IL1RAPL1: variants seen among roughly 807,000 people sequenced by gnomAD.
IL1RAPL1 encodes interleukin-1 receptor accessory protein-like 1.
A neutral mutation model predicts 48.4 loss-of-function variants in IL1RAPL1; 3 were observed. The observed-to-expected ratio is 0.06, with a 90% CI of 0.03 to 0.16. The LOEUF is 0.16. Among genes scored for constraint, IL1RAPL1 ranks in the 10% least tolerant of loss-of-function variants. The pLI is 1.00. For synonymous variants in IL1RAPL1, 185 were observed against 187.7 expected (o/e 0.99, Z 0.12); for missense variants, 349 against 530.6 (o/e 0.66, Z 3.36).
intron 2 of IL1RAPL1, among the ~76,000 whole-genome samples, chrX:29,006,515 G>GAA (rs749949798): frequency 2.1e-4 from 19 of 91,124 alleles, no homozygotes; most frequent in Non-Finnish European, 3.5e-4. Context: ...ACGCCGTCTG[G>GAA]AAAAAAAAAA....
chrX:28,908,260 G>GT (rs1923270637), intron 2 of IL1RAPL1, among the ~76,000 whole-genome samples: 2 of 110,842 alleles, frequency 1.8e-5, no homozygotes, highest in Non-Finnish European at 3.8e-5. Flanking sequence ...ATAAAGTGTT[G>GT]TTTTTTCTCT....
chrX:29,347,619 G>A (rs1933168817), intron 3 of IL1RAPL1, among the ~76,000 whole-genome samples: 1 of 109,690 alleles, frequency 9.1e-6, no homozygotes, highest in Non-Finnish European at 1.9e-5. Context: ...CAAACTCCTG[G>A]GCTCAACCAG....
chrX:29,788,044 C>G (rs770535356), intron 6 of IL1RAPL1, among the ~76,000 whole-genome samples: 1 of 111,889 alleles, frequency 8.9e-6, no homozygotes, highest in Non-Finnish European at 1.9e-5. Flanking sequence ...TTGTCTGTTG[C>G]TATGCACTGA....
chrX:28,802,754 A>G (rs1378119540), intron 2 of IL1RAPL1, among the ~76,000 whole-genome samples: 1 of 111,967 alleles, frequency 8.9e-6, no homozygotes, highest in African/African-American at 3.2e-5. Context: ...ACTATCTGAA[A>G]AGAGGATTCT....
At chrX:29,152,175 A>G (rs1012104275) in intron 2 of IL1RAPL1, among the ~76,000 whole-genome samples, 1 of 110,539 alleles carries the variant, frequency 9.0e-6, no homozygotes, top group African/African-American at 3.3e-5. Flanking sequence ...ACCAGATCTC[A>G]TGAGACTTAT....
chrX:29,955,341 A>C lies in IL1RAPL1; in HGVS notation c.1612A>C (p.Lys538Gln). The C allele has an allele frequency of 8.3e-7, 1 of 1,211,622 alleles. No homozygotes were observed. The highest frequency in any genetic ancestry group is 1.1e-6 in the Non-Finnish European group (1 of 895,340). ...CACCATCAAGCTCCTGACGGTCATT[A>C]AATGGCATGGACCAAAATGCAACAA... ...KHTIKLLTVI[K>Q]WHGPKCNKLN... Residue 538 changes from lysine (K) to glutamine (Q), a missense_variant, in exon 11 of 11, where the codon AAA (lysine) becomes CAA (glutamine). By Grantham distance (53) the Lys-to-Gln change is moderately conservative (BLOSUM62 1). Coordinates refer to ENST00000378993, the MANE Select transcript of IL1RAPL1 (RefSeq NM_014271.4).
chrX:29,151,135 AAAAC>A (rs1188103691), intron 2 of IL1RAPL1, among the ~76,000 whole-genome samples: 4 of 110,445 alleles, frequency 3.6e-5, no homozygotes, highest in African/African-American at 9.9e-5. Flanking sequence ...TTCAGTGCTA[AAAAC>A]AAACAAACAA....
rs888644943 is a variant in IL1RAPL1 at position 29,208,708 on chromosome X, A to T, written c.83-74230A>T. Among the ~76,000 whole-genome samples the T allele has an allele frequency of 2.0e-4, 20 of 100,878 alleles. No individual in the cohort carries two copies. The South Asian group carries it at 4.8e-3, about 24-fold the overall frequency. 87.6% of individuals were successfully genotyped at this position (100,878 alleles called of 115,157 possible). Reference sequence around the variant, plus strand: ...CCTGGGTGACAGAGCAAGATTCCAAAAATAATAATAATAATAATAATAATA... The same window carrying T: ...CCTGGGTGACAGAGCAAGATTCCAATAATAATAATAATAATAATAATAATA... On this transcript the variant is annotated intron_variant, in intron 2 of 10. Coordinates refer to ENST00000378993, the MANE Select transcript of IL1RAPL1 (RefSeq NM_014271.4).
chrX:29,331,402 C>G (rs772480327), intron 3 of IL1RAPL1, among the ~76,000 whole-genome samples: 15 of 110,762 alleles, frequency 1.4e-4, no homozygotes, highest in African/African-American at 4.6e-4. Context: ...CAGTAGATTT[C>G]AAAGGAATCT....
intron 2 of IL1RAPL1, among the ~76,000 whole-genome samples, chrX:29,192,389 CAA>C (rs1930368770): frequency 8.9e-6 from 1 of 111,904 alleles, no homozygotes; most frequent in Non-Finnish European, 1.9e-5. Flanking sequence ...TTGGTGGCCC[CAA>C]AATTTCTTTG....
intron 5 of IL1RAPL1, among the ~76,000 whole-genome samples, chrX:29,431,773 A>C (rs1272204130): frequency 9.0e-6 from 1 of 111,501 alleles, no homozygotes; most frequent in African/African-American, 3.2e-5. Flanking sequence ...AGAAGAAAAA[A>C]GAAAAGGAAA....
chrX:29,679,479 A>G (rs1194959331), intron 6 of IL1RAPL1, among the ~76,000 whole-genome samples: 2 of 111,781 alleles, frequency 1.8e-5, no homozygotes, highest in African/African-American at 3.2e-5. Context: ...TGCTTATTGT[A>G]TAGCCTATTT....
chrX:29,110,456 G>A (rs1022740769), intron 2 of IL1RAPL1, among the ~76,000 whole-genome samples: 2 of 111,485 alleles, frequency 1.8e-5, no homozygotes, highest in Non-Finnish European at 3.8e-5. Context: ...TTGATAAGCC[G>A]GTTTTTATGC....
chrX:29,932,138 G>A (rs758282557), intron 8 of IL1RAPL1, among the ~76,000 whole-genome samples: 29 of 111,958 alleles, frequency 2.6e-4, no homozygotes, highest in Admixed American at 6.6e-4. Flanking sequence ...CTGAGATAAA[G>A]GAAGCCCCAT....
intron 3 of IL1RAPL1, among the ~76,000 whole-genome samples, chrX:29,370,947 C>T (rs909536710): frequency 6.4e-5 from 7 of 109,146 alleles, no homozygotes; most frequent in African/African-American, 2.0e-4. Flanking sequence ...ATATAATGTG[C>T]AATGATCAAA....
intron 1 of IL1RAPL1, among the ~76,000 whole-genome samples, chrX:28,780,025 T>C (rs1936404176): frequency 9.1e-6 from 1 of 110,232 alleles, no homozygotes; most frequent in African/African-American, 3.3e-5. Context: ...CAATAATCAA[T>C]TGCATTCTAC....
intron 6 of IL1RAPL1, among the ~76,000 whole-genome samples, chrX:29,723,540 T>C (rs1348936022): frequency 8.9e-6 from 1 of 112,434 alleles, no homozygotes. Flanking sequence ...TGAGCCACTG[T>C]GCCCGGCGTC....
At chrX:29,742,068 C>G (rs1284287207) in intron 6 of IL1RAPL1, among the ~76,000 whole-genome samples, 1 of 108,811 alleles carries the variant, frequency 9.2e-6, no homozygotes, top group Non-Finnish European at 1.9e-5. Flanking sequence ...ATGATTTTAT[C>G]TTTCCCAAGA....
intron 2 of IL1RAPL1, among the ~76,000 whole-genome samples, chrX:28,982,573 T>C (rs1925369336): frequency 8.9e-6 from 1 of 111,734 alleles, no homozygotes; most frequent in South Asian, 3.7e-4. Flanking sequence ...CAAACAAGGG[T>C]ATGTATTTCA....
Sources: allele counts gnomAD v4.1 joint callset (sites outside exome capture counted in the v4.1 genomes callset), GRCh38; gene constraint gnomAD v4.1.1; transcripts MANE v1.5; gene names NCBI Gene and HGNC (gene_info 2026-07-23, HGNC 2026-07-21).